The following CCDC60 variants were observed in gnomAD, a reference collection of about 807,000 sequenced individuals.
CCDC60 encodes the protein coiled-coil domain containing 60, also known as coiled-coil domain-containing protein 60.
CCDC60 carries 54 observed loss-of-function variants against 63.5 expected under a neutral mutation model. The observed-to-expected ratio is 0.85, with a 90% CI of 0.68 to 1.07. CCDC60 has a LOEUF of 1.07. Among genes scored for constraint, CCDC60 ranks in the 50% least tolerant of loss-of-function variants. CCDC60 has a pLI of 0.00. For missense variants in CCDC60, 651 were observed against 684.3 expected (o/e 0.95, Z 0.54); for synonymous variants, 206 against 238.8 (o/e 0.86, Z 1.27).
chr12:119,421,092 T>C (rs1956805238), intron 1 of CCDC60, among the ~76,000 whole-genome samples: 1 of 152,148 alleles, frequency 6.6e-6, no homozygotes. Flanking sequence ...GATGTCTGTA[T>C]CAGCCCGGGC....
At chr12:119,513,824 T>TA (rs1251526172) in intron 7 of CCDC60, among the ~76,000 whole-genome samples, 1 of 152,230 alleles carries the variant, frequency 6.6e-6, no homozygotes, top group African/African-American at 2.4e-5. Context: ...TATAAAAGTA[T>TA]AACACAATTA....
chr12:119,369,899 T>C (rs1161076764), intron 1 of CCDC60, among the ~76,000 whole-genome samples: 1 of 152,164 alleles, frequency 6.6e-6, no homozygotes, highest in Non-Finnish European at 1.5e-5. Context: ...AGTAAGTGCC[T>C]CAATTATTCA....
At chr12:119,403,017 C>T (rs555642792) in intron 1 of CCDC60, among the ~76,000 whole-genome samples, 5 of 152,246 alleles carry the variant, frequency 3.3e-5, no homozygotes, top group Non-Finnish European at 5.9e-5. Context: ...TCCAAGTGTT[C>T]GAACATTATC....
intron 2 of CCDC60, among the ~76,000 whole-genome samples, chr12:119,450,681 AC>A (rs1950613475): frequency 6.6e-6 from 1 of 152,082 alleles, no homozygotes; most frequent in African/African-American, 2.4e-5. Flanking sequence ...ACATGGTGAA[AC>A]CCCACCTCTA....
intron 5 of CCDC60, among the ~76,000 whole-genome samples, chr12:119,491,064 A>T (rs1221401906): frequency 2.0e-5 from 3 of 152,168 alleles, no homozygotes; most frequent in African/African-American, 7.2e-5. Context: ...ATAAACATAA[A>T]CAGTCACATT....
chr12:119,508,885 C>G (rs1043100177), intron 7 of CCDC60, among the ~76,000 whole-genome samples: 2 of 151,824 alleles, frequency 1.3e-5, no homozygotes. Context: ...AAGAGTAGAG[C>G]GATAGCCCAG....
At chr12:119,526,974 C>T (rs746745300) in intron 11 of CCDC60, among the ~76,000 whole-genome samples, 47 of 152,166 alleles carry the variant, frequency 3.1e-4, no homozygotes, top group South Asian at 6.2e-4. Flanking sequence ...TGAATGTCCA[C>T]TGCAGCACTA....
rs76546012 is a variant in CCDC60, at chr12:119,418,822, G to A, written c.91-9861G>A. ...AAGGGACCATGCATTTCATTTAGTT[G>A]TTGTGTCCCCTTGGTGTCCTAGAGA... On this transcript the variant is annotated intron_variant, in intron 1 of 13. Coordinates refer to ENST00000327554, the MANE Select transcript of CCDC60 (RefSeq NM_178499.5). 5.1e-3 allele frequency among the ~76,000 whole-genome samples: 778 copies of A among 152,266 alleles called. 10 individuals carry two copies. Among genetic ancestry groups the A allele is most frequent in the African/African-American group, 0.018 (739 of 41,548 alleles).
intron 5 of CCDC60, among the ~76,000 whole-genome samples, chr12:119,492,144 G>A (rs761615362): frequency 9.9e-5 from 15 of 152,122 alleles, no homozygotes; most frequent in Admixed American, 1.3e-4. Flanking sequence ...AGGAAGTCAC[G>A]GTATTTGTTG....
intron 2 of CCDC60, among the ~76,000 whole-genome samples, chr12:119,439,205 AAAC>A (rs973750610): frequency 6.6e-6 from 1 of 151,000 alleles, no homozygotes; most frequent in Non-Finnish European, 1.5e-5. Context: ...TTGCCCTAGG[AAAC>A]ACTTAGCTAC....
chr12:119,343,660 C>CTATATA lies in CCDC60; in HGVS notation c.90+8414_90+8419dup, dbSNP rs60934414. On this transcript the variant is annotated intron_variant, in intron 1 of 13. Coordinates refer to ENST00000327554, the MANE Select transcript of CCDC60 (RefSeq NM_178499.5). ...TAACAAGTACCAAAAGAAAGGCAAA[C>CTATATA]TATATATATATATATATATATATAT... 3.4e-3 allele frequency among the ~76,000 whole-genome samples: 480 copies of CTATATA among 141,102 alleles called. 1 individual carries two copies. Among genetic ancestry groups the CTATATA allele is most frequent in the East Asian group, 0.013 (63 of 4,814 alleles). The allele number at this position is 141,102 out of a possible 152,430, so 92.6% of individuals were successfully genotyped here. A position where few individuals can be genotyped will look rare whatever the true frequency, so the allele number is the denominator to read the frequency against.
intron 1 of CCDC60, among the ~76,000 whole-genome samples, chr12:119,370,174 C>T (rs1429289460): frequency 6.6e-6 from 1 of 152,202 alleles, no homozygotes; most frequent in Admixed American, 6.5e-5. Context: ...CAATTCCAAA[C>T]AACACAATCC....
intron 1 of CCDC60, among the ~76,000 whole-genome samples, chr12:119,344,851 T>TCC (rs1284956237): frequency 1.9e-5 from 2 of 107,580 alleles, no homozygotes; most frequent in Non-Finnish European, 3.7e-5. Context: ...TCTCTCTCTC[T>TCC]CTCTCACACA....
At chr12:119,428,979 C>CACCT (rs36025111) in intron 2 of CCDC60, 382,199 of 452,554 alleles carry the variant, frequency 0.84, 162,590 homozygotes, top group East Asian at 1. Flanking sequence ...AGCCTCCAGC[C>CACCT]GCCTAGAATT....
chr12:119,395,153 C>A (rs1956228888), intron 1 of CCDC60, among the ~76,000 whole-genome samples: 2 of 152,106 alleles, frequency 1.3e-5, no homozygotes, highest in African/African-American at 4.8e-5. Flanking sequence ...AGAGGTGCAA[C>A]CAACAGATGA....
chr12:119,527,708 G>A (rs1360566892), intron 11 of CCDC60, among the ~76,000 whole-genome samples: 11 of 117,832 alleles, frequency 9.3e-5, no homozygotes, highest in Admixed American at 2.4e-4. Context: ...ATGGAGTCTC[G>A]CTCTGTCGCC....
At chr12:119,462,791 CATTTATTT>C (rs61602899) in intron 2 of CCDC60, among the ~76,000 whole-genome samples, 2,970 of 140,854 alleles carry the variant, frequency 0.021, 34 homozygotes, top group Middle Eastern at 0.05. Flanking sequence ...CAACTAACTT[CATTTATTT>C]ATTTATTTAT....
chr12:119,411,514 GA>G (rs928827630), intron 1 of CCDC60, among the ~76,000 whole-genome samples: 1 of 151,964 alleles, frequency 6.6e-6, no homozygotes. Flanking sequence ...CTCAAAAAAA[GA>G]AAAAAATTGT....
At chr12:119,513,800 C>T (rs990650775) in intron 7 of CCDC60, among the ~76,000 whole-genome samples, 1 of 152,196 alleles carries the variant, frequency 6.6e-6, no homozygotes, top group African/African-American at 2.4e-5. Flanking sequence ...AAACCTACTG[C>T]ATTTTATACT....
Sources: gnomAD v4.1 joint callset for allele counts (sites outside exome capture counted in the v4.1 genomes callset) on GRCh38, gnomAD v4.1.1 for gene constraint, MANE v1.5 for transcripts, NCBI Gene and HGNC (gene_info 2026-07-23, HGNC 2026-07-21) for gene names.